Variants in RPRD1A observed in about 807,000 individuals in gnomAD.
RPRD1A encodes regulation of nuclear pre-mRNA domain containing 1A.
Under a neutral mutation model 37.8 loss-of-function variants are expected in RPRD1A, and 9 were observed. The ratio of observed to expected loss-of-function variants is 0.24; its 90% CI spans 0.14 to 0.42. The LOEUF is 0.42. Among genes scored for constraint, RPRD1A ranks in the 10% least tolerant of loss-of-function variants. RPRD1A has a pLI of 1.00. For missense variants in RPRD1A, 255 were observed against 371.0 expected, an observed-to-expected ratio of 0.69 and a Z score of 2.57; for synonymous variants, 138 against 139.7, an observed-to-expected ratio of 0.99 and a Z score of 0.08.
chr18:36,038,044 G>T (rs1912321905), intron 1 of RPRD1A, among the ~76,000 whole-genome samples: 1 of 152,152 alleles, frequency 6.6e-6, no homozygotes, highest in Non-Finnish European at 1.5e-5. Flanking sequence ...GAACATAAAA[G>T]TTCGAAAAAT....
intron 1 of RPRD1A, among the ~76,000 whole-genome samples, chr18:36,042,784 T>C (rs558343755): frequency 1.3e-5 from 2 of 152,226 alleles, no homozygotes; most frequent in Non-Finnish European, 2.9e-5. Flanking sequence ...CCAACTAAAA[T>C]TGACAAAAGT....
intron 1 of RPRD1A, among the ~76,000 whole-genome samples, chr18:36,061,269 G>C (rs888735801): frequency 6.6e-6 from 1 of 152,210 alleles, no homozygotes; most frequent in Non-Finnish European, 1.5e-5. Context: ...TCTGAGGGCA[G>C]GGATAAACTG....
At position 36,067,458 on chromosome 18, in the gene RPRD1A, G is replaced by C; in HGVS notation, c.-54C>G. 6.4e-7 allele frequency: 1 copy of C among 1,552,784 alleles called. No homozygotes were observed. Among genetic ancestry groups the C allele is most frequent in the Non-Finnish European group, 8.7e-7 (1 of 1,144,544 alleles). On this transcript the variant is annotated 5_prime_UTR_variant, in exon 1 of 7. Coordinates refer to ENST00000399022, the MANE Select transcript of RPRD1A (RefSeq NM_018170.5). ...ACGCGGTGGGGCCGAGGGGAGGAGA[G>C]TTTCGCCGCCCTAGCTGCGGCCTCG...
chr18:36,006,417 A>G (rs1287511949), intron 6 of RPRD1A, among the ~76,000 whole-genome samples: 5 of 152,346 alleles, frequency 3.3e-5, no homozygotes, highest in African/African-American at 9.6e-5. Flanking sequence ...CGTGGGCTCA[A>G]GCTATCCTCC....
intron 6 of RPRD1A, among the ~76,000 whole-genome samples, chr18:36,001,116 T>C (rs1909388327): frequency 6.6e-6 from 1 of 152,078 alleles, no homozygotes; most frequent in Admixed American, 6.5e-5. Context: ...CCGTGATAAA[T>C]TTTCTTAAAC....
chr18:36,008,668 T>G (rs562667116), intron 6 of RPRD1A, among the ~76,000 whole-genome samples: 1 of 148,888 alleles, frequency 6.7e-6, no homozygotes, highest in East Asian at 2.0e-4. Flanking sequence ...TCTGTATGTT[T>G]TTATACCCAT....
chr18:35,998,255 G>A (rs1483127178), intron 6 of RPRD1A, among the ~76,000 whole-genome samples: 1 of 152,122 alleles, frequency 6.6e-6, no homozygotes, highest in Non-Finnish European at 1.5e-5. Flanking sequence ...CTACTTGGGA[G>A]GCTGAGGCAG....
At chr18:36,033,634 T>G in intron 2 of RPRD1A, 74 bp downstream of exon 2, 4 of 1,332,748 alleles carry the variant, frequency 3.0e-6, no homozygotes, top group Non-Finnish European at 4.0e-6. Context: ...TTTAATAGTT[T>G]AAGGCAAATT....
chr18:36,022,865 A>G (rs891561408), intron 6 of RPRD1A, among the ~76,000 whole-genome samples: 2 of 152,222 alleles, frequency 1.3e-5, no homozygotes, highest in African/African-American at 4.8e-5. Context: ...TGGAAGCTGA[A>G]GCAGGAAGAT....
rs1000323673 is a variant in RPRD1A at position 35,992,964 on chromosome 18, TAAGTC to T, written c.*182_*186del. 2 of 436,012 alleles carry T rather than the reference TAAGTC, an allele frequency of 4.6e-6. No homozygotes were observed. The highest frequency in any genetic ancestry group is 4.1e-5 in the African/African-American group (2 of 49,262). 27.0% of individuals were successfully genotyped at this position (436,012 alleles called of 1,614,324 possible). On this transcript the variant is annotated 3_prime_UTR_variant, in exon 7 of 7. Coordinates refer to ENST00000399022, the MANE Select transcript of RPRD1A (RefSeq NM_018170.5). ...ACACAAATCATCACTTTGTTCAAAT[TAAGTC>T]ATGTTAATTTACCAATAAAATAGTA...
At chr18:36,010,940 G>A (rs1910139400) in intron 6 of RPRD1A, among the ~76,000 whole-genome samples, 1 of 152,190 alleles carries the variant, frequency 6.6e-6, no homozygotes, top group Non-Finnish European at 1.5e-5. Context: ...GAGATACTAA[G>A]ATTTAACTAG....
At chr18:36,043,115 A>G (rs1025465753) in intron 1 of RPRD1A, among the ~76,000 whole-genome samples, 1 of 149,308 alleles carries the variant, frequency 6.7e-6, no homozygotes, top group Admixed American at 6.7e-5. Context: ...ATGGAAAAAT[A>G]TCAAAGACAT....
intron 1 of RPRD1A, among the ~76,000 whole-genome samples, chr18:36,042,703 C>T (rs1184392568): frequency 6.6e-6 from 1 of 152,080 alleles, no homozygotes; most frequent in East Asian, 1.9e-4. Flanking sequence ...TACAAAGAAA[C>T]ACAAATGTTA....
intron 6 of RPRD1A, among the ~76,000 whole-genome samples, chr18:36,019,259 C>A (rs1014246562): frequency 1.3e-5 from 2 of 152,000 alleles, no homozygotes; most frequent in African/African-American, 2.4e-5. Context: ...AGGAGCCCAC[C>A]ACCACGCCTG....
chr18:36,001,126 C>G (rs1909389239), intron 6 of RPRD1A, among the ~76,000 whole-genome samples: 1 of 152,050 alleles, frequency 6.6e-6, no homozygotes, highest in Non-Finnish European at 1.5e-5. Context: ...TTTTCTTAAA[C>G]AAGAGTAATA....
chr18:36,026,712 T>C (rs1182718590), intron 6 of RPRD1A, 188 bp downstream of exon 6: 1 of 449,598 alleles, frequency 2.2e-6, no homozygotes, highest in East Asian at 3.4e-5. Flanking sequence ...TTTCTAAGTT[T>C]ACTTGCAAGA....
At chr18:36,013,708 T>C (rs917205613) in intron 6 of RPRD1A, among the ~76,000 whole-genome samples, 1 of 152,206 alleles carries the variant, frequency 6.6e-6, no homozygotes, top group Non-Finnish European at 1.5e-5. Context: ...TTTTAAAATA[T>C]TAAAATGTAA....
At chr18:36,047,876 C>A (rs539754215) in intron 1 of RPRD1A, among the ~76,000 whole-genome samples, 8 of 152,196 alleles carry the variant, frequency 5.3e-5, no homozygotes, top group Non-Finnish European at 1.0e-4. Context: ...ATGGTTTCCA[C>A]CAGAGATTTT....
intron 6 of RPRD1A, among the ~76,000 whole-genome samples, chr18:36,001,079 T>C (rs1909384289): frequency 6.6e-6 from 1 of 152,152 alleles, no homozygotes; most frequent in South Asian, 2.1e-4. Flanking sequence ...GAGTTGTCAT[T>C]TTCCCATGAA....
Sources: allele counts gnomAD v4.1 joint callset (sites outside exome capture counted in the v4.1 genomes callset), GRCh38; gene constraint gnomAD v4.1.1; transcripts MANE v1.5; gene names NCBI Gene and HGNC (gene_info 2026-07-23, HGNC 2026-07-21).